Variants in ALG14 observed in about 807,000 individuals in gnomAD.
ALG14 encodes ALG14 UDP-N-acetylglucosaminyltransferase subunit, also known as UDP-N-acetylglucosamine transferase subunit ALG14.
A neutral mutation model predicts 22.8 loss-of-function variants in ALG14; 17 were observed. The ratio of observed to expected loss-of-function variants is 0.75; its 90% CI spans 0.51 to 1.12. The LOEUF is 1.12. ALG14 is among the 50% of genes most tolerant of loss of function. The pLI is 0.00. For missense variants in ALG14, 288 were observed against 271.8 expected (o/e 1.06, Z -0.42); for synonymous variants, 89 against 103.7 (o/e 0.86, Z 0.86).
intron 3 of ALG14, among the ~76,000 whole-genome samples, chr1:94,995,106 A>G (rs1672875152): frequency 6.6e-6 from 1 of 152,180 alleles, no homozygotes; most frequent in African/African-American, 2.4e-5. Flanking sequence ...TTAAATTTCT[A>G]TCTTGCTGAA....
chr1:94,992,293 C>T (rs1672794428), intron 3 of ALG14, among the ~76,000 whole-genome samples: 1 of 152,078 alleles, frequency 6.6e-6, no homozygotes, highest in Non-Finnish European at 1.5e-5. Flanking sequence ...ACCAGGTGAT[C>T]GGAATTTTTC....
intron 3 of ALG14, among the ~76,000 whole-genome samples, chr1:95,013,433 C>T (rs1673423953): frequency 6.6e-6 from 1 of 151,942 alleles, no homozygotes; most frequent in African/African-American, 2.4e-5. Flanking sequence ...GATTCTCCTG[C>T]CTCAGCCTCC....
At chr1:94,997,436 T>C (rs1361660853) in intron 3 of ALG14, among the ~76,000 whole-genome samples, 4 of 152,246 alleles carry the variant, frequency 2.6e-5, no homozygotes, top group Admixed American at 2.6e-4. Flanking sequence ...CTCTGAGTTT[T>C]CTAATTCAAA....
chr1:95,060,860 C>T (rs1194505104), intron 2 of ALG14, among the ~76,000 whole-genome samples: 1 of 152,178 alleles, frequency 6.6e-6, no homozygotes, highest in Non-Finnish European at 1.5e-5. Flanking sequence ...TTCATGTCCA[C>T]CTGGAATCTA....
chr1:95,064,218 A>G (rs1371912692), intron 2 of ALG14, among the ~76,000 whole-genome samples: 5 of 152,218 alleles, frequency 3.3e-5, no homozygotes. Flanking sequence ...GGATCATGTC[A>G]TCTGCAAGCA....
At position 95,058,601 on chromosome 1, in the gene ALG14, A is replaced by G. The variant is rs866021173; in HGVS notation, c.288+6265T>C. 1.9e-4 allele frequency among the ~76,000 whole-genome samples: 27 copies of G among 145,290 alleles called. No individual in the cohort carries two copies. In the South Asian group the frequency reaches 4.8e-3, roughly 26 times the overall value. ...CACTGCACTCCAGCCTGGACAACAGAGTGAGATTCATTCTTAAAAAAAAAA... is the reference window on the plus strand; with the variant it reads ...CACTGCACTCCAGCCTGGACAACAGGGTGAGATTCATTCTTAAAAAAAAAA... On this transcript the variant is annotated intron_variant, in intron 2 of 3. Transcript: ENST00000370205.
intron 3 of ALG14, among the ~76,000 whole-genome samples, chr1:94,989,298 G>A (rs954093272): frequency 6.6e-6 from 1 of 152,158 alleles, no homozygotes; most frequent in Non-Finnish European, 1.5e-5. Context: ...AGGAAGTTGT[G>A]GAAAGTTTAA....
chr1:95,051,970 C>G (rs964652598), intron 2 of ALG14, among the ~76,000 whole-genome samples: 3 of 152,182 alleles, frequency 2.0e-5, no homozygotes, highest in African/African-American at 7.2e-5. Flanking sequence ...ATTATCCCGC[C>G]ACTAGAATGT....
chr1:95,024,202 C>T (rs533126117), intron 3 of ALG14, among the ~76,000 whole-genome samples: 34 of 152,264 alleles, frequency 2.2e-4, no homozygotes, highest in Non-Finnish European at 4.1e-4. Flanking sequence ...TGGTCTCGAT[C>T]TCCTGACCTC....
At chr1:94,993,782 C>T (rs1444891780) in intron 3 of ALG14, among the ~76,000 whole-genome samples, 1 of 152,112 alleles carries the variant, frequency 6.6e-6, no homozygotes, top group Non-Finnish European at 1.5e-5. Flanking sequence ...GGGGTTTGGG[C>T]TAAGCTATAA....
chr1:95,038,209 T>C (rs1674260102), intron 2 of ALG14, among the ~76,000 whole-genome samples: 1 of 151,834 alleles, frequency 6.6e-6, no homozygotes, highest in South Asian at 2.1e-4. Context: ...CCACGCGCGG[T>C]GGCTTACGCC....
chr1:95,035,295 T>C (rs540068611), intron 2 of ALG14, among the ~76,000 whole-genome samples: 198 of 152,368 alleles, frequency 1.3e-3, no homozygotes, highest in Non-Finnish European at 2.4e-3. Flanking sequence ...TAATCCAGTC[T>C]CTTTCACACT....
At chr1:95,032,168 T>C (rs1389730364) in intron 2 of ALG14, among the ~76,000 whole-genome samples, 1 of 151,690 alleles carries the variant, frequency 6.6e-6, no homozygotes, top group African/African-American at 2.4e-5. Context: ...TGGTTATAGT[T>C]TGTAGTAAAA....
At chr1:95,056,742 A>G (rs752445805) in intron 2 of ALG14, among the ~76,000 whole-genome samples, 9 of 151,044 alleles carry the variant, frequency 6.0e-5, no homozygotes, top group Non-Finnish European at 1.2e-4. Context: ...TTGGATTCCT[A>G]AAGGAAAATA....
Position 95,072,820 on chromosome 1 carries a change from G to C in ALG14, c.79C>G (p.Arg27Gly), listed in dbSNP as rs1415210510. The C allele has an allele frequency of 4.3e-6, 7 of 1,614,034 alleles. No individual in the cohort carries two copies. The highest frequency in any genetic ancestry group is 5.9e-6 in the Non-Finnish European group (7 of 1,180,048). ...TCCCGGGGCGTAACGTCCATGGAAC[G>C]AAGCACTACCCATATTCGCAGGATT... is the stretch of plus-strand genomic sequence containing the variant. ...FLILRIWVVL[R>G]SMDVTPRESL... is the part of the protein sequence containing the mutation. The change falls in exon 1 of 4, where the codon CGT becomes GGT. Residue 27 changes from arginine (R) to glycine (G), a missense_variant. Physicochemically the swap from Arg to Gly is moderately radical, Grantham distance 125. Coordinates refer to ENST00000370205, the MANE Select transcript of ALG14 (RefSeq NM_144988.4).
chr1:94,984,978 C>A (rs2100711862), intron 3 of ALG14, among the ~76,000 whole-genome samples: 1 of 151,942 alleles, frequency 6.6e-6, no homozygotes, highest in East Asian at 1.9e-4. Flanking sequence ...TGTATCATTC[C>A]AATTTTAGTA....
intron 2 of ALG14, among the ~76,000 whole-genome samples, chr1:95,058,032 A>G (rs762715061): frequency 1.3e-5 from 2 of 151,904 alleles, no homozygotes; most frequent in Non-Finnish European, 2.9e-5. Context: ...TCACCCCTGT[A>G]ATCCCAGCAC....
rs2100851928 is a variant in ALG14, at chr1:95,070,411, G to A, written c.136+2352C>T. ...CAGTGATTTTCAGTGAAACTTCAGA[G>A]GGCAAAAGGGAAGTTTCCCCTTGGC... On this transcript the variant is annotated intron_variant, in intron 1 of 3. Transcript: ENST00000370205. Among the ~76,000 whole-genome samples, 2 of 152,312 alleles carry A rather than the reference G, an allele frequency of 1.3e-5. 1 individual carries two copies. The highest frequency in any genetic ancestry group is 1.3e-4 in the Admixed American group (2 of 15,306).
At chr1:95,072,643 T>G (rs983559803) in intron 1 of ALG14, 120 bp downstream of exon 1, 51 of 1,406,444 alleles carry the variant, frequency 3.6e-5, no homozygotes, top group Non-Finnish European at 4.3e-5. Flanking sequence ...GCAGAGAAAC[T>G]ACAAATCTCT....
Sources: allele counts gnomAD v4.1 joint callset (sites outside exome capture counted in the v4.1 genomes callset), GRCh38; gene constraint gnomAD v4.1.1; transcripts MANE v1.5; gene names NCBI Gene and HGNC (gene_info 2026-07-23, HGNC 2026-07-21).